Variants in ALG14 observed in about 807,000 individuals in gnomAD.
ALG14 encodes ALG14 UDP-N-acetylglucosaminyltransferase subunit, also known as UDP-N-acetylglucosamine transferase subunit ALG14.
In ALG14, 17 loss-of-function variants were observed where a neutral mutation model predicts 22.8. The ratio of observed to expected loss-of-function variants is 0.75; its 90% CI spans 0.51 to 1.12. The LOEUF (loss-of-function observed/expected upper bound fraction) is 1.12, where lower values mean the gene tolerates loss of function less well. Ranked by LOEUF, ALG14 falls within the 50% of genes most tolerant of loss-of-function variation. The probability of loss-of-function intolerance (pLI) is 0.00; values close to 1 mark genes in which losing one functional copy is unlikely to be tolerated. For synonymous variants in ALG14, 89 were observed against 103.7 expected, an observed-to-expected ratio of 0.86 and a Z score of 0.86; for missense variants, 288 against 271.8, an observed-to-expected ratio of 1.06 and a Z score of -0.42.
rs1159245672 is a variant in ALG14 at position 95,016,969 on chromosome 1, G to GTGTGTGTGTA, written c.420+10159_420+10160insTACACACACA. Among the ~76,000 whole-genome samples the GTGTGTGTGTA allele has an allele frequency of 2.0e-3, 306 of 150,884 alleles. 2 individuals are homozygous for GTGTGTGTGTA. Among genetic ancestry groups the GTGTGTGTGTA allele is most frequent in the Non-Finnish European group, 3.4e-3 (229 of 67,468 alleles). ...TGTGTGTGTGTGTGTGTGTGTGTGT[G>GTGTGTGTGTA]TGTGTGTGTGTGTGTGTGTGTGTGT... On this transcript the variant is annotated intron_variant, in intron 3 of 3. Coordinates refer to ENST00000370205, the MANE Select transcript of ALG14 (RefSeq NM_144988.4).
chr1:95,034,175 G>A (rs1451939663), intron 2 of ALG14, among the ~76,000 whole-genome samples: 5 of 152,188 alleles, frequency 3.3e-5, no homozygotes, highest in African/African-American at 7.2e-5. Context: ...ATCAGATCTT[G>A]TCTAAACATT....
Position 94,976,960 on chromosome 1 carries a change from C to CTGAA in ALG14, c.*6112_*6115dup, listed in dbSNP as rs1243286067. 2 of 152,226 alleles carry CTGAA rather than the reference C, an allele frequency of 1.3e-5. No individual in the cohort carries two copies. The highest frequency in any genetic ancestry group is 4.8e-5 in the African/African-American group (2 of 41,432). 9.4% of individuals were successfully genotyped at this position (152,226 alleles called of 1,614,324 possible). On this transcript the variant is annotated 3_prime_UTR_variant, in exon 4 of 4. Coordinates refer to ENST00000370205, the MANE Select transcript of ALG14 (RefSeq NM_144988.4). ...CCACAAATCCTACAACTGCAAGGAA[C>CTGAA]TGAATTCTGCCAACAACCATCTGAA...
intron 3 of ALG14, among the ~76,000 whole-genome samples, chr1:94,990,743 G>A (rs1163693294): frequency 6.6e-6 from 1 of 152,224 alleles, no homozygotes; most frequent in Non-Finnish European, 1.5e-5. Flanking sequence ...TTAGGCTAAT[G>A]CACTAATGTT....
intron 2 of ALG14, among the ~76,000 whole-genome samples, chr1:95,032,184 A>C (rs910066695): frequency 6.6e-6 from 1 of 152,178 alleles, no homozygotes; most frequent in Admixed American, 6.5e-5. Context: ...TAAAAAAAAA[A>C]AAAATTTTAT....
rs1316505816 is a variant in ALG14, at chr1:94,981,640, C to T, written c.*1436G>A. ...TTTAAGAGGAAAAAACCTATATATA[C>T]TACAGGAGAGAATCTTCTCTTTTCT... is the stretch of plus-strand genomic sequence containing the variant. On this transcript the variant is annotated 3_prime_UTR_variant, in exon 4 of 4. Coordinates refer to ENST00000370205, the MANE Select transcript of ALG14 (RefSeq NM_144988.4). 6.7e-6 allele frequency: 1 copy of T among 150,132 alleles called. No homozygotes were observed. Among genetic ancestry groups the T allele is most frequent in the Non-Finnish European group, 1.5e-5 (1 of 67,732 alleles). The allele number at this position is 150,132 out of a possible 1,614,324, so 9.3% of individuals were successfully genotyped here. A position where few individuals can be genotyped will look rare whatever the true frequency, so the allele number is the denominator to read the frequency against.
At chr1:95,026,394 C>G (rs1373126169) in intron 3 of ALG14, among the ~76,000 whole-genome samples, 1 of 151,860 alleles carries the variant, frequency 6.6e-6, no homozygotes, top group Non-Finnish European at 1.5e-5. Context: ...CACTGAGAGG[C>G]CACTGCAGGG....
chr1:95,016,942 GGTGTGTGTGTGTGTGTGTGTGT>G (rs55962309), intron 3 of ALG14, among the ~76,000 whole-genome samples: 19 of 129,360 alleles, frequency 1.5e-4, no homozygotes, highest in South Asian at 5.6e-4. Flanking sequence ...TTGCAAAAGG[GGTGTGTGTGTGTGTGTGTGTGT>G]GTGTGTGTGT....
At chr1:95,030,950 A>T (rs1351969287) in intron 2 of ALG14, among the ~76,000 whole-genome samples, 1 of 152,148 alleles carries the variant, frequency 6.6e-6, no homozygotes, top group Non-Finnish European at 1.5e-5. Flanking sequence ...AGGCAACAAG[A>T]CCAGTAACTA....
intron 2 of ALG14, among the ~76,000 whole-genome samples, chr1:95,043,810 AAG>A (rs1674459870): frequency 1.3e-5 from 2 of 151,436 alleles, no homozygotes; most frequent in South Asian, 2.1e-4. Flanking sequence ...GAGAGGGTTG[AAG>A]AGAGAGGAGA....
intron 3 of ALG14, chr1:95,022,251 C>G: frequency 1.1e-6 from 1 of 917,092 alleles, no homozygotes; most frequent in Non-Finnish European, 1.3e-6. Flanking sequence ...GGAACTCACT[C>G]AATGTGAAAC....
At chr1:95,010,092 AT>A (rs1313643994) in intron 3 of ALG14, among the ~76,000 whole-genome samples, 2 of 152,170 alleles carry the variant, frequency 1.3e-5, no homozygotes, top group African/African-American at 4.8e-5. Context: ...AGAGGAAAAA[AT>A]ATTAGACTTT....
At chr1:95,046,530 TG>T (rs1216597767) in intron 2 of ALG14, among the ~76,000 whole-genome samples, 3 of 152,234 alleles carry the variant, frequency 2.0e-5, no homozygotes, top group Non-Finnish European at 4.4e-5. Context: ...ACCTGGTCCC[TG>T]GTGCCAAAAA....
Position 94,994,739 on chromosome 1 carries a change from T to C in ALG14, c.421-11433A>G, listed in dbSNP as rs1175984418. ...CCTGCCAACTAGGTCCAGCTTTTGT[T>C]AGAAGTGGGCTTAAGGCAAGAGGGT... On this transcript the variant is annotated intron_variant, in intron 3 of 3. Transcript: ENST00000370205. 2.0e-5 allele frequency among the ~76,000 whole-genome samples: 3 copies of C among 152,188 alleles called. No individual in the cohort carries two copies. In the East Asian group the frequency reaches 5.8e-4, roughly 29 times the overall value.
intron 2 of ALG14, among the ~76,000 whole-genome samples, chr1:95,028,774 G>A (rs1557961648): frequency 6.6e-6 from 1 of 152,072 alleles, no homozygotes. Context: ...ACTCCAGCTT[G>A]GGTGATAGAG....
intron 3 of ALG14, among the ~76,000 whole-genome samples, chr1:95,017,197 A>G (rs1030874372): frequency 6.6e-6 from 1 of 152,154 alleles, no homozygotes; most frequent in Non-Finnish European, 1.5e-5. Flanking sequence ...GACAAAAGGC[A>G]TTGAGAAAGA....
intron 3 of ALG14, among the ~76,000 whole-genome samples, chr1:94,993,525 T>C (rs1197501569): frequency 6.6e-6 from 1 of 151,640 alleles, no homozygotes; most frequent in African/African-American, 2.4e-5. Flanking sequence ...AGGGCAGTAT[T>C]TTCTGGACTT....
chr1:95,043,197 G>T (rs1051677331), intron 2 of ALG14, among the ~76,000 whole-genome samples: 23 of 152,082 alleles, frequency 1.5e-4, no homozygotes, highest in African/African-American at 5.1e-4. Flanking sequence ...CCTTTCGTTA[G>T]TTTTCTCTTT....
intron 2 of ALG14, among the ~76,000 whole-genome samples, chr1:95,052,629 A>C (rs1035069164): frequency 5.3e-5 from 8 of 152,114 alleles, no homozygotes; most frequent in African/African-American, 1.9e-4. Context: ...AGGCCGAGGC[A>C]GGTGGATCAT....
At chr1:95,041,353 TTA>T (rs1308217426) in intron 2 of ALG14, 2 of 152,118 alleles carry the variant, frequency 1.3e-5, no homozygotes, top group Non-Finnish European at 2.9e-5. Flanking sequence ...ACCCCACAGT[TTA>T]AACTATACAG....
Sources: gnomAD v4.1 joint callset for allele counts (sites outside exome capture counted in the v4.1 genomes callset) on GRCh38, gnomAD v4.1.1 for gene constraint, MANE v1.5 for transcripts, NCBI Gene and HGNC (gene_info 2026-07-23, HGNC 2026-07-21) for gene names.